The following KPNA6 variants were observed in gnomAD, a reference collection of about 807,000 sequenced individuals.
The protein encoded by KPNA6 is importin subunit alpha-7.
In KPNA6, 9 loss-of-function variants were observed where a neutral mutation model predicts 72.0. The ratio of observed to expected loss-of-function variants is 0.13; its 90% CI spans 0.08 to 0.22. KPNA6 has a LOEUF of 0.22. KPNA6 is among the 10% of genes least tolerant of loss of function. The pLI is 1.00. For synonymous variants in KPNA6, 219 were observed against 242.1 expected (o/e 0.90, Z 0.89); for missense variants, 374 against 655.7 (o/e 0.57, Z 4.69).
At chr1:32,143,000 T>C in intron 1 of KPNA6, 1 of 1,289,732 alleles carries the variant, frequency 7.8e-7, no homozygotes, top group Middle Eastern at 2.1e-4. Flanking sequence ...CAGCCCAGGC[T>C]CAGTCATGAA....
intron 1 of KPNA6, among the ~76,000 whole-genome samples, chr1:32,117,131 A>G (rs112874115): frequency 0.017 from 2,619 of 152,088 alleles, 31 homozygotes; most frequent in Non-Finnish European, 0.028. Context: ...GCACCAGTAG[A>G]CTTGCTTAAC....
At chr1:32,108,455 G>C (rs1319577822) in intron 1 of KPNA6, among the ~76,000 whole-genome samples, 1 of 152,376 alleles carries the variant, frequency 6.6e-6, no homozygotes, top group Non-Finnish European at 1.5e-5. Context: ...GACTGGGGCT[G>C]GGGGACGGGC....
At chr1:32,122,966 A>G (rs1641461324) in intron 1 of KPNA6, among the ~76,000 whole-genome samples, 1 of 152,014 alleles carries the variant, frequency 6.6e-6, no homozygotes, top group Non-Finnish European at 1.5e-5. Context: ...TCAAAAAAAA[A>G]AAAAAAAAAA....
At chr1:32,162,074 G>C (rs1304710128) in intron 8 of KPNA6, 28 bp downstream of exon 8, 7 of 1,535,834 alleles carry the variant, frequency 4.6e-6, no homozygotes, top group African/African-American at 1.4e-5. Context: ...TAGACCCTGA[G>C]TGACATCAGG....
At chr1:32,169,477 C>T (rs1360306616) in intron 12 of KPNA6, among the ~76,000 whole-genome samples, 1 of 147,814 alleles carries the variant, frequency 6.8e-6, no homozygotes, top group African/African-American at 2.5e-5. Context: ...GACGGAGTCT[C>T]ACTCTGTCGC....
At chr1:32,142,054 G>GT (rs1009979876) in intron 1 of KPNA6, among the ~76,000 whole-genome samples, 3 of 152,004 alleles carry the variant, frequency 2.0e-5, no homozygotes, top group Admixed American at 6.6e-5. Context: ...GGATCACGGA[G>GT]TTTGAGACCA....
chr1:32,156,723 T>A (rs569036866), intron 2 of KPNA6, 130 bp from the exon 3 acceptor site: 1 of 638,424 alleles, frequency 1.6e-6, no homozygotes, highest in Non-Finnish European at 2.7e-6. Context: ...GAGACTAATG[T>A]ATAAAGCTTG....
chr1:32,125,999 A>C (rs1412144444), intron 1 of KPNA6, among the ~76,000 whole-genome samples: 3 of 150,920 alleles, frequency 2.0e-5, no homozygotes, highest in Non-Finnish European at 3.0e-5. Flanking sequence ...AAAAAAAAAA[A>C]AACCTGTCCT....
intron 2 of KPNA6, among the ~76,000 whole-genome samples, chr1:32,156,120 T>A (rs1012126454): frequency 1.3e-5 from 2 of 151,540 alleles, no homozygotes; most frequent in Non-Finnish European, 2.9e-5. Flanking sequence ...TTTTTTTTTT[T>A]AAGACAGGAT....
intron 2 of KPNA6, among the ~76,000 whole-genome samples, chr1:32,155,697 A>C (rs890440689): frequency 6.7e-6 from 1 of 149,188 alleles, no homozygotes; most frequent in East Asian, 2.0e-4. Flanking sequence ...CAGTCACCTG[A>C]TTATTATTAT....
chr1:32,143,776 T>C (rs1305685693), intron 1 of KPNA6, among the ~76,000 whole-genome samples: 9 of 152,130 alleles, frequency 5.9e-5, no homozygotes, highest in Admixed American at 5.9e-4. Context: ...CCTCTCCTCT[T>C]AGCACCTGGT....
At chr1:32,157,307 T>C in intron 3 of KPNA6, 39 bp from the exon 4 acceptor site, 2 of 1,503,306 alleles carry the variant, frequency 1.3e-6, no homozygotes, top group Non-Finnish European at 9.3e-7. Context: ...CTGGCTCTAA[T>C]GTTGGTTTGC....
In KPNA6 at chr1:32,167,194, C is replaced by G. The variant is rs767714580; in HGVS notation, c.1142C>G (p.Pro381Arg). 2.6e-5 allele frequency: 42 copies of G among 1,613,926 alleles called. No homozygotes were observed. Among genetic ancestry groups the G allele is most frequent in the Non-Finnish European group, 3.5e-5 (41 of 1,179,994 alleles). ...GCTGTTATAGATGCAAATATCTTCC[C>G]TGTGTTGATCGAAATCCTTCAGAAA... is the stretch of plus-strand genomic sequence containing the variant. ...IQAVIDANIF[P>R]VLIEILQKAE... is the part of the protein sequence containing the mutation. The change falls in exon 12 of 14, where the codon CCT (proline) becomes CGT (arginine). Residue 381 changes from proline to arginine, a missense_variant. By Grantham distance (103) the Pro-to-Arg change is moderately radical. This residue lies in a region of KPNA6 where 298 missense variants were observed against 495.4 expected (regional missense o/e 0.60). Transcript: ENST00000373625.
chr1:32,148,060 C>T (rs1641962026), intron 1 of KPNA6, among the ~76,000 whole-genome samples: 1 of 152,118 alleles, frequency 6.6e-6, no homozygotes, highest in African/African-American at 2.4e-5. Flanking sequence ...TTTCAGGATT[C>T]TGTCTTTGGC....
intron 1 of KPNA6, among the ~76,000 whole-genome samples, chr1:32,115,718 T>C (rs1319556493): frequency 6.6e-6 from 1 of 151,772 alleles, no homozygotes; most frequent in Non-Finnish European, 1.5e-5. Context: ...AGTCACTGAG[T>C]TTGGCCTCCA....
Position 32,174,287 on chromosome 1 carries a change from T to G in KPNA6, c.*3393T>G, listed in dbSNP as rs1478209044. 1 of 152,374 alleles carries G rather than the reference T, an allele frequency of 6.6e-6. No individual in the cohort carries two copies. The highest frequency in any genetic ancestry group is 2.4e-5 in the African/African-American group (1 of 41,448). The allele number at this position is 152,374 out of a possible 1,614,324, so 9.4% of individuals were successfully genotyped here. ...GAAAGCCATCTTCCAGGAGCCCTGT[T>G]TTTTGGAGCTGAACTGCACAGATTA... On this transcript the variant is annotated 3_prime_UTR_variant, in exon 14 of 14. Coordinates refer to ENST00000373625, the MANE Select transcript of KPNA6 (RefSeq NM_012316.5).
chr1:32,130,392 C>A lies in KPNA6; in HGVS notation c.4+22258C>A, dbSNP rs1641615936. 2.6e-5 allele frequency among the ~76,000 whole-genome samples: 4 copies of A among 152,014 alleles called. No individual in the cohort carries two copies. The South Asian group carries it at 6.2e-4, about 24-fold the overall frequency. ...GTGCCTTACAGAGGTCCTCTCCCAG[C>A]AGGTCATGGAAAATAAGTAACTTGA... On this transcript the variant is annotated intron_variant, in intron 1 of 13. Transcript: ENST00000373625.
At chr1:32,126,252 T>C (rs1019018659) in intron 1 of KPNA6, among the ~76,000 whole-genome samples, 1 of 151,694 alleles carries the variant, frequency 6.6e-6, no homozygotes, top group African/African-American at 2.4e-5. Flanking sequence ...GAGAAATATA[T>C]AAGGAACCGG....
chr1:32,112,253 A>G (rs1283366373), intron 1 of KPNA6, among the ~76,000 whole-genome samples: 2 of 152,056 alleles, frequency 1.3e-5, no homozygotes, highest in Non-Finnish European at 2.9e-5. Context: ...TGGGAAAGCT[A>G]TAATAATAAT....
Sources: allele counts gnomAD v4.1 joint callset (sites outside exome capture counted in the v4.1 genomes callset), GRCh38; gene constraint gnomAD v4.1.1; regional missense constraint gnomAD v4.1.1; transcripts MANE v1.5; gene names NCBI Gene and HGNC (gene_info 2026-07-23, HGNC 2026-07-21).